The following DOCK5 variants were observed in gnomAD, a reference collection of about 807,000 sequenced individuals.
DOCK5 encodes the protein dedicator of cytokinesis 5.
DOCK5 carries 142 observed loss-of-function variants against 251.8 expected under a neutral mutation model. That is an observed-to-expected ratio of 0.56 (90% CI 0.49 to 0.65). The LOEUF (loss-of-function observed/expected upper bound fraction) is 0.65. DOCK5 is among the 30% of genes least tolerant of loss of function. The pLI is 0.00. For missense variants in DOCK5, 2,111 were observed against 2,312.3 expected (o/e 0.91, Z 1.79); for synonymous variants, 842 against 835.5 (o/e 1.01, Z -0.13).
intron 46 of DOCK5, 26 bp from the exon 47 acceptor site, chr8:25,400,903 C>T (rs780399970): frequency 1.2e-6 from 2 of 1,613,338 alleles, no homozygotes; most frequent in Non-Finnish European, 1.7e-6. Flanking sequence ...AAGCACACTG[C>T]ACTCATTTTT....
intron 42 of DOCK5, among the ~76,000 whole-genome samples, chr8:25,391,593 G>A (rs926317247): frequency 1.3e-5 from 2 of 152,036 alleles, no homozygotes; most frequent in Non-Finnish European, 2.9e-5. Context: ...AGCCAAGATC[G>A]TGTCACTGCA....
chr8:25,380,469 G>C, intron 39 of DOCK5, 75 bp downstream of exon 39: 1 of 1,288,958 alleles, frequency 7.8e-7, no homozygotes, highest in Middle Eastern at 1.8e-4. Flanking sequence ...GTTTCCGTAA[G>C]TTGAAAGTCA....
At chr8:25,379,473 C>T (rs1422155201) in intron 38 of DOCK5, among the ~76,000 whole-genome samples, 1 of 152,080 alleles carries the variant, frequency 6.6e-6, no homozygotes, top group Non-Finnish European at 1.5e-5. Flanking sequence ...GGCAGTCAGA[C>T]CTTATGGTTG....
Position 25,377,212 on chromosome 8 carries a change from A to G in DOCK5, c.3817-93A>G, listed in dbSNP as rs1243574603. On this transcript the variant is annotated intron_variant, in intron 37 of 51. Coordinates refer to ENST00000276440, the MANE Select transcript of DOCK5 (RefSeq NM_024940.8). The stretch of plus-strand genomic sequence containing the variant: ...TTTAATACATAATCTAAAATACAAA[A>G]TCAATGAGTCAAATATATATACAAT... The G allele has an allele frequency of 6.3e-6, 9 of 1,429,582 alleles. No individual in the cohort carries two copies. In the African/African-American group the frequency reaches 1.2e-4, roughly 18 times the overall value. 88.6% of individuals were successfully genotyped at this position (1,429,582 alleles called of 1,614,324 possible).
At chr8:25,345,421 G>A (rs1314505872) in intron 25 of DOCK5, 54 bp from the exon 26 acceptor site, 4 of 1,600,400 alleles carry the variant, frequency 2.5e-6, no homozygotes, top group Non-Finnish European at 3.4e-6. Flanking sequence ...AAGGAGACAG[G>A]CAGTTCAGGA....
intron 1 of DOCK5, among the ~76,000 whole-genome samples, chr8:25,214,535 G>A (rs141505355): frequency 5.8e-4 from 88 of 152,180 alleles, no homozygotes; most frequent in African/African-American, 2.0e-3. Flanking sequence ...ACATCCAGGC[G>A]GGTGACACAC....
chr8:25,236,624 A>C (rs1188262693), intron 1 of DOCK5, among the ~76,000 whole-genome samples: 1 of 152,100 alleles, frequency 6.6e-6, no homozygotes, highest in Non-Finnish European at 1.5e-5. Context: ...TCTGTTGCCC[A>C]GGCTGGAGTG....
At chr8:25,187,076 C>G (rs989927016) in intron 1 of DOCK5, among the ~76,000 whole-genome samples, 2 of 151,356 alleles carry the variant, frequency 1.3e-5, no homozygotes, top group African/African-American at 4.9e-5. Context: ...TCGCCTGTGC[C>G]TGTGGTTCTA....
chr8:25,331,946 AT>A (rs1248086055), intron 18 of DOCK5, among the ~76,000 whole-genome samples: 1 of 152,104 alleles, frequency 6.6e-6, no homozygotes, highest in Non-Finnish European at 1.5e-5. Context: ...GGAAGGTTAC[AT>A]TAGCATGCTT....
rs113356644 is a variant in DOCK5, at chr8:25,324,645, C to T, written c.1719+694C>T. ...CATCAACCCAATAAAGTATAATTGT[C>T]CCCATTTTTTAATTACACTTCAAGT... On this transcript the variant is annotated intron_variant, in intron 17 of 51. Coordinates refer to ENST00000276440, the MANE Select transcript of DOCK5 (RefSeq NM_024940.8). 2.8e-3 allele frequency among the ~76,000 whole-genome samples: 424 copies of T among 152,290 alleles called. 1 individual carries two copies. Among genetic ancestry groups the T allele is most frequent in the African/African-American group, 9.7e-3 (403 of 41,558 alleles).
At chr8:25,370,634 A>G (rs1563219336) in intron 34 of DOCK5, among the ~76,000 whole-genome samples, 1 of 151,982 alleles carries the variant, frequency 6.6e-6, no homozygotes, top group Admixed American at 6.6e-5. Flanking sequence ...ACTCCCAAGT[A>G]CTAGGACTAC....
At chr8:25,330,588 A>C (rs1174667030) in intron 18 of DOCK5, among the ~76,000 whole-genome samples, 1 of 152,122 alleles carries the variant, frequency 6.6e-6, no homozygotes, top group Non-Finnish European at 1.5e-5. Flanking sequence ...TGCAGGAGTG[A>C]TATAGGTGGG....
chr8:25,286,626 G>C (rs544268065), intron 5 of DOCK5, among the ~76,000 whole-genome samples: 3 of 143,790 alleles, frequency 2.1e-5, no homozygotes, highest in East Asian at 3.9e-4. Context: ...CCAGAGAAAG[G>C]GTTTTTGACT....
intron 13 of DOCK5, among the ~76,000 whole-genome samples, chr8:25,314,081 A>G (rs1414386682): frequency 6.7e-6 from 1 of 148,456 alleles, no homozygotes; most frequent in Non-Finnish European, 1.5e-5. Context: ...CCCTATAGCC[A>G]GCTATTTCCT....
rs1200977275 is a variant in DOCK5 at position 25,184,744 on chromosome 8, A to T, written c.-165A>T. ...GACCGCGGGCGGCGCGGGCACGGGC[A>T]CGGGCGCGGGCGGCGCGGCGAGGAG... is the stretch of plus-strand genomic sequence containing the variant. On this transcript the variant is annotated 5_prime_UTR_variant, in exon 1 of 52. Coordinates refer to ENST00000276440, the MANE Select transcript of DOCK5 (RefSeq NM_024940.8). The T allele has an allele frequency of 6.4e-6, 3 of 465,900 alleles. No individual in the cohort carries two copies. In the African/African-American group the frequency reaches 6.4e-5, roughly 10 times the overall value. The allele number at this position is 465,900 out of a possible 1,614,324, so 28.9% of individuals were successfully genotyped here.
chr8:25,310,092 T>G (rs1478532077), intron 12 of DOCK5, among the ~76,000 whole-genome samples: 1 of 152,188 alleles, frequency 6.6e-6, no homozygotes, highest in Non-Finnish European at 1.5e-5. Context: ...TTTCATTGTT[T>G]CATGTATATA....
At chr8:25,235,344 T>G (rs1166581998) in intron 1 of DOCK5, among the ~76,000 whole-genome samples, 2 of 152,150 alleles carry the variant, frequency 1.3e-5, no homozygotes, top group African/African-American at 4.8e-5. Flanking sequence ...CACTGAAGCC[T>G]CAACCTCCTG....
Position 25,184,905 on chromosome 8 carries a change from CG to C in DOCK5, c.-3del. On this transcript the variant is annotated 5_prime_UTR_variant, in exon 1 of 52. Coordinates refer to ENST00000276440, the MANE Select transcript of DOCK5 (RefSeq NM_024940.8). ...CGCCGCCGCCGCGGGGCGAGGTCGCCGCCATGGCCCGCTGGATCCCGACCAA... is the reference window on the plus strand; with the variant it reads ...CGCCGCCGCCGCGGGGCGAGGTCGCCCCATGGCCCGCTGGATCCCGACCAA... The C allele has an allele frequency of 7.0e-7, 1 of 1,418,754 alleles. No homozygotes were observed. The highest frequency in any genetic ancestry group is 2.6e-5 in the Admixed American group (1 of 38,320). 87.9% of individuals were successfully genotyped at this position (1,418,754 alleles called of 1,614,324 possible).
chr8:25,228,680 T>G (rs17088212), intron 1 of DOCK5, among the ~76,000 whole-genome samples: 8,158 of 152,210 alleles, frequency 0.054, 533 homozygotes, highest in African/African-American at 0.16. Flanking sequence ...ATAAATATGC[T>G]GAGGCAAGTC....
Sources: gnomAD v4.1 joint callset for allele counts (sites outside exome capture counted in the v4.1 genomes callset) on GRCh38, gnomAD v4.1.1 for gene constraint, MANE v1.5 for transcripts, NCBI Gene and HGNC (gene_info 2026-07-23, HGNC 2026-07-21) for gene names.